KLF17: variants seen among roughly 807,000 people sequenced by gnomAD.
KLF17 encodes KLF transcription factor 17.
KLF17 carries 31 observed loss-of-function variants against 34.2 expected under a neutral mutation model. The ratio of observed to expected loss-of-function variants is 0.91; its 90% confidence interval spans 0.68 to 1.22. The LOEUF (loss-of-function observed/expected upper bound fraction) is 1.22, where lower values mean the gene tolerates loss of function less well. Among genes scored for constraint, KLF17 ranks in the 50% most tolerant of loss-of-function variants. The pLI is 0.00. For synonymous variants in KLF17, 179 were observed against 186.7 expected (o/e 0.96, Z 0.34); for missense variants, 478 against 505.2 (o/e 0.95, Z 0.52).
chr1:44,096,669 G>A, the KLF17 span, among the ~76,000 whole-genome samples: 1 of 151,682 alleles, frequency 6.6e-6, no homozygotes, highest in African/African-American at 2.4e-5. Context: ...CAAAGTGCTG[G>A]GATTACAGGC....
At chr1:44,070,647 G>A in the KLF17 span, among the ~76,000 whole-genome samples, 1 of 130,766 alleles carries the variant, frequency 7.6e-6, no homozygotes, top group African/African-American at 2.9e-5. Flanking sequence ...TGCCCAGGCT[G>A]GAGTGCAGGG....
chr1:44,094,101 G>A, the KLF17 span, among the ~76,000 whole-genome samples: 2 of 152,154 alleles, frequency 1.3e-5, no homozygotes, highest in African/African-American at 4.8e-5. Context: ...CCACGATTTT[G>A]CAGGCTGACT....
the KLF17 span, among the ~76,000 whole-genome samples, chr1:44,079,158 A>G: frequency 1.3e-5 from 2 of 151,888 alleles, no homozygotes; most frequent in Non-Finnish European, 2.9e-5. Flanking sequence ...GCTCTATTCC[A>G]AGCTTACTCC....
the KLF17 span, among the ~76,000 whole-genome samples, chr1:44,074,179 G>T: frequency 7.9e-5 from 12 of 151,892 alleles, no homozygotes; most frequent in Admixed American, 7.9e-4. Context: ...GCCCATTTCT[G>T]CTGTCATCCT....
the KLF17 span, among the ~76,000 whole-genome samples, chr1:44,075,779 A>G: frequency 6.6e-6 from 1 of 152,138 alleles, no homozygotes; most frequent in South Asian, 2.1e-4. Context: ...TTATTTGCTC[A>G]TTCTCCCTTT....
At chr1:44,072,815 A>T in the KLF17 span, among the ~76,000 whole-genome samples, 2 of 152,206 alleles carry the variant, frequency 1.3e-5, no homozygotes, top group Non-Finnish European at 2.9e-5. Flanking sequence ...AGAGCCTCTG[A>T]CAGTAAGAGG....
At chr1:44,118,501 T>A (rs1472865636), upstream of KLF17, among the ~76,000 whole-genome samples, 1 of 152,164 alleles carries the variant, frequency 6.6e-6, no homozygotes, top group Non-Finnish European at 1.5e-5. Context: ...CAACCTTGCC[T>A]CTCTCTCCAG....
the KLF17 span, chr1:44,103,822 C>G: frequency 1.5e-4 from 121 of 813,336 alleles, 4 homozygotes; most frequent in South Asian, 1.4e-3. Flanking sequence ...TCAGTCTCAG[C>G]CTGGAGCCCA....
intron 1 of KLF17, among the ~76,000 whole-genome samples, chr1:44,127,406 TCC>T (rs1438342857): frequency 2.6e-5 from 4 of 152,076 alleles, no homozygotes; most frequent in Non-Finnish European, 4.4e-5. Context: ...TATAACCCCA[TCC>T]TGTTGTCTGG....
At chr1:44,048,002 A>ATGTGTGTG in the KLF17 span, 4,052 of 134,212 alleles carry the variant, frequency 0.03, 74 homozygotes, top group East Asian at 0.073. Context: ...TTGTGTGTGT[A>ATGTGTGTG]TGTGTGTGTG....
At chr1:44,106,436 C>G in the KLF17 span, 2 of 152,336 alleles carry the variant, frequency 1.3e-5, no homozygotes, top group East Asian at 1.9e-4. Flanking sequence ...CCACTATACC[C>G]CATCCCTATT....
the KLF17 span, among the ~76,000 whole-genome samples, chr1:44,108,060 T>A: frequency 1.2e-4 from 18 of 152,194 alleles, no homozygotes; most frequent in African/African-American, 4.1e-4. Flanking sequence ...TTGAAGGCAG[T>A]GACTGGAGGA....
the KLF17 span, chr1:44,103,721 C>T: frequency 1.3e-6 from 2 of 1,508,958 alleles, no homozygotes; most frequent in South Asian, 1.1e-5. Context: ...GCTCGGACAG[C>T]TTGGCGTTGG....
the KLF17 span, among the ~76,000 whole-genome samples, chr1:44,099,521 T>C: frequency 6.6e-6 from 1 of 151,854 alleles, no homozygotes; most frequent in Non-Finnish European, 1.5e-5. Flanking sequence ...GGCTCACACC[T>C]GTAATCCCAG....
the KLF17 span, among the ~76,000 whole-genome samples, chr1:44,064,368 G>A: frequency 0.49 from 73,776 of 152,002 alleles, 18,266 homozygotes; most frequent in East Asian, 0.64. Context: ...TTCAACATTT[G>A]TCGGTTATCA....
chr1:44,100,272 A>G, the KLF17 span, among the ~76,000 whole-genome samples: 86 of 146,724 alleles, frequency 5.9e-4, no homozygotes, highest in African/African-American at 2.0e-3. Flanking sequence ...AAAAAAAAAA[A>G]AGAGAGAGAG....
In KLF17 at chr1:44,130,085, A is replaced by G. The variant is rs1423979872; in HGVS notation, c.814A>G (p.Thr272Ala). ...GAAGAACTCCAGGCCTCAGGAAGGG[A>G]CTGGTAGAAGGGGCTCCTCAGAGGC... ...VEKNSRPQEG[T>A]GRRGSSEARP... The change falls in exon 2 of 4, where the codon ACT (threonine) becomes GCT (alanine). Residue 272 changes from threonine (T) to alanine (A), a missense_variant. By Grantham distance (58) the Thr-to-Ala change is moderately conservative (BLOSUM62 0). Coordinates refer to ENST00000372299, the MANE Select transcript of KLF17 (RefSeq NM_173484.4). The G allele has an allele frequency of 6.2e-7, 1 of 1,614,088 alleles. No homozygotes were observed. The highest frequency in any genetic ancestry group is 8.5e-7 in the Non-Finnish European group (1 of 1,180,046).
chr1:44,129,982 C>A lies in KLF17; in HGVS notation c.711C>A (p.Asp237Glu). 6.2e-7 allele frequency: 1 copy of A among 1,614,198 alleles called. No homozygotes were observed. ...CATTGCTGGTTTTAGGATCTCAGGA[C>A]TCTCTTGTCAGTCAGCCAGACTCTC... ...SQSLLVLGSQDSLVSQPDSQE... is the reference protein window; with the variant it reads ...SQSLLVLGSQESLVSQPDSQE... Residue 237 changes from aspartate (D) to glutamate (E), a missense_variant, in exon 2 of 4, where the codon GAC becomes GAA. Asp to Glu is a conservative substitution (Grantham distance 45). Transcript: ENST00000372299.
At chr1:44,084,140 G>A in the KLF17 span, among the ~76,000 whole-genome samples, 3 of 152,196 alleles carry the variant, frequency 2.0e-5, no homozygotes, top group African/African-American at 7.2e-5. Context: ...GCATGTGCCT[G>A]TACACAATTC....
Sources: gnomAD v4.1 joint callset for allele counts (sites outside exome capture counted in the v4.1 genomes callset) on GRCh38, gnomAD v4.1.1 for gene constraint, MANE v1.5 for transcripts, NCBI Gene and HGNC (gene_info 2026-07-23, HGNC 2026-07-21) for gene names.